Variants in CHRNA7 observed in about 807,000 individuals in gnomAD.
The protein encoded by CHRNA7 is neuronal acetylcholine receptor subunit alpha-7.
Under a neutral mutation model 48.0 loss-of-function variants are expected in CHRNA7, and 17 were observed. That is an observed-to-expected ratio of 0.35 (90% confidence interval 0.24 to 0.53). CHRNA7 has a LOEUF of 0.53. CHRNA7 is among the 20% of genes least tolerant of loss of function. CHRNA7 has a pLI of 0.92. For synonymous variants in CHRNA7, 75 were observed against 242.3 expected (o/e 0.31, Z 6.41); for missense variants, 155 against 577.7 (o/e 0.27, Z 7.50).
intron 2 of CHRNA7, among the ~76,000 whole-genome samples, chr15:32,079,944 A>G (rs1165650817): frequency 2.6e-5 from 4 of 152,226 alleles, no homozygotes; most frequent in Non-Finnish European, 5.9e-5. Flanking sequence ...TACTGGCACA[A>G]AAACAGACAC....
chr15:32,128,429 T>G (rs915086545), intron 4 of CHRNA7, among the ~76,000 whole-genome samples: 1 of 151,938 alleles, frequency 6.6e-6, no homozygotes, highest in Non-Finnish European at 1.5e-5. Context: ...ATGTCCCTCT[T>G]ATTTCAATCT....
At chr15:32,041,481 C>T (rs943528167) in intron 2 of CHRNA7, among the ~76,000 whole-genome samples, 23 of 152,200 alleles carry the variant, frequency 1.5e-4, no homozygotes, top group African/African-American at 4.8e-4. Context: ...CTGATCTGAC[C>T]GGAGGCGGAG....
intron 4 of CHRNA7, among the ~76,000 whole-genome samples, chr15:32,152,306 G>A (rs1225804328): frequency 6.6e-6 from 1 of 152,154 alleles, no homozygotes. Context: ...AGCCGGGAGT[G>A]GTGGCACGCA....
chr15:32,034,068 T>A (rs1169659816), intron 2 of CHRNA7, among the ~76,000 whole-genome samples: 1 of 152,164 alleles, frequency 6.6e-6, no homozygotes, highest in Non-Finnish European at 1.5e-5. Flanking sequence ...CTAGGGAGAT[T>A]AAAAAGTAAA....
chr15:32,116,251 G>A lies in CHRNA7; in HGVS notation c.350+4352G>A, dbSNP rs915480265. Among the ~76,000 whole-genome samples, 15 of 152,144 alleles carry A rather than the reference G, an allele frequency of 9.9e-5. No homozygotes were observed. The East Asian group carries it at 1.3e-3, about 14-fold the overall frequency. ...CTGTCCTATTTCTCACTCTATTCTC[G>A]TTTGATATTGGAGTCCCCACGTGAG... On this transcript the variant is annotated intron_variant, in intron 4 of 9. Transcript: ENST00000306901.
At chr15:32,112,984 T>C (rs1343092814) in intron 4 of CHRNA7, among the ~76,000 whole-genome samples, 3 of 152,200 alleles carry the variant, frequency 2.0e-5, no homozygotes, top group Non-Finnish European at 4.4e-5. Context: ...ACGTCTAAAA[T>C]AGGAGTAAGT....
chr15:32,135,738 G>A (rs1427118881), intron 4 of CHRNA7, among the ~76,000 whole-genome samples: 1 of 152,158 alleles, frequency 6.6e-6, no homozygotes, highest in African/African-American at 2.4e-5. Context: ...TCTGAGGAAA[G>A]ATATGTGATA....
chr15:32,146,140 A>G lies in CHRNA7; in HGVS notation c.351-7767A>G, dbSNP rs1277824310. 2.6e-5 allele frequency among the ~76,000 whole-genome samples: 4 copies of G among 152,246 alleles called. No homozygotes were observed. In the East Asian group the frequency reaches 7.7e-4, roughly 29 times the overall value. Reference sequence around the variant, plus strand: ...TAAATCCTAACAAGTTTAGGCTTCTATTAGGAATGCACAGTTTGTTTAACT... The same window carrying G: ...TAAATCCTAACAAGTTTAGGCTTCTGTTAGGAATGCACAGTTTGTTTAACT... On this transcript the variant is annotated intron_variant, in intron 4 of 9. Transcript: ENST00000306901.
intron 2 of CHRNA7, among the ~76,000 whole-genome samples, chr15:32,042,497 C>T (rs1418890746): frequency 1.3e-5 from 2 of 152,172 alleles, no homozygotes; most frequent in Admixed American, 1.3e-4. Flanking sequence ...CCTGGTAGAG[C>T]TTCTGGAGGT....
At chr15:32,045,390 C>G (rs984584711) in intron 2 of CHRNA7, among the ~76,000 whole-genome samples, 1 of 152,178 alleles carries the variant, frequency 6.6e-6, no homozygotes, top group Non-Finnish European at 1.5e-5. Context: ...TGGGTACCAG[C>G]AACCACACAT....
chr15:32,152,498 C>T (rs540626984), intron 4 of CHRNA7, among the ~76,000 whole-genome samples: 6 of 152,206 alleles, frequency 3.9e-5, no homozygotes, highest in East Asian at 1.9e-4. Flanking sequence ...CAGGGCCACG[C>T]GGGAGGCCGA....
At chr15:32,141,003 A>G (rs146321514) in intron 4 of CHRNA7, among the ~76,000 whole-genome samples, 2,122 of 152,208 alleles carry the variant, frequency 0.014, 55 homozygotes, top group African/African-American at 0.049. Flanking sequence ...GCCCATGCCT[A>G]TGTCCTGAAT....
At chr15:32,135,309 TGAA>T (rs1481146437) in intron 4 of CHRNA7, among the ~76,000 whole-genome samples, 1 of 152,230 alleles carries the variant, frequency 6.6e-6, no homozygotes, top group East Asian at 1.9e-4. Flanking sequence ...ATGAGCATGT[TGAA>T]GAATCTATTT....
intron 4 of CHRNA7, 146 bp downstream of exon 4, chr15:32,112,045 G>T: frequency 1.5e-6 from 1 of 663,300 alleles, no homozygotes; most frequent in South Asian, 1.8e-5. Context: ...GAGCGGCCAG[G>T]CCTTTGAGAA....
chr15:32,053,630 A>G, intron 2 of CHRNA7, among the ~76,000 whole-genome samples: 1 of 152,190 alleles, frequency 6.6e-6, no homozygotes. Flanking sequence ...TGATATCTCA[A>G]GACAAGGTAT....
At chr15:32,059,757 G>C (rs28621653) in intron 2 of CHRNA7, among the ~76,000 whole-genome samples, 5,568 of 151,472 alleles carry the variant, frequency 0.037, 138 homozygotes, top group Middle Eastern at 0.099. Flanking sequence ...TTTTCTAAAA[G>C]CTTCTAGATT....
At chr15:32,091,092 A>G (rs1566831535) in intron 2 of CHRNA7, among the ~76,000 whole-genome samples, 1 of 152,096 alleles carries the variant, frequency 6.6e-6, no homozygotes, top group Non-Finnish European at 1.5e-5. Context: ...TTTCTTCCAA[A>G]TCTGCGTTTT....
At chr15:32,111,128 C>G (rs1397939213) in intron 3 of CHRNA7, 1 of 152,190 alleles carries the variant, frequency 6.6e-6, no homozygotes, top group African/African-American at 2.4e-5. Flanking sequence ...GGGTATTCCT[C>G]TGGCAAAAGT....
intron 3 of CHRNA7, among the ~76,000 whole-genome samples, chr15:32,105,408 G>A (rs2050648376): frequency 6.6e-6 from 1 of 150,966 alleles, no homozygotes; most frequent in Non-Finnish European, 1.5e-5. Context: ...GGAGGAGTTG[G>A]AGGAGGTGGA....
Sources: allele counts gnomAD v4.1 joint callset (sites outside exome capture counted in the v4.1 genomes callset), GRCh38; gene constraint gnomAD v4.1.1; transcripts MANE v1.5; gene names NCBI Gene and HGNC (gene_info 2026-07-23, HGNC 2026-07-21).